The following DGKB variants were observed in gnomAD, a reference collection of about 807,000 sequenced individuals.
DGKB encodes the protein diacylglycerol kinase beta, also known as 90 kDa diacylglycerol kinase.
In DGKB, 67 loss-of-function variants were observed where a neutral mutation model predicts 114.3. The observed-to-expected ratio is 0.59, with a 90% CI of 0.48 to 0.72. The LOEUF is 0.72. Among genes scored for constraint, DGKB ranks in the 30% least tolerant of loss-of-function variants. The pLI, the probability that DGKB is intolerant of heterozygous loss-of-function variation, is 0.00. For synonymous variants in DGKB, 398 were observed against 323.1 expected (o/e 1.23, Z -2.49); for missense variants, 907 against 975.2 (o/e 0.93, Z 0.93).
intron 1 of DGKB, among the ~76,000 whole-genome samples, chr7:14,878,305 C>G (rs1257514358): frequency 6.6e-6 from 1 of 152,170 alleles, no homozygotes; most frequent in African/African-American, 2.4e-5. Flanking sequence ...TTATCTTTCT[C>G]TTTTGCAATT....
chr7:14,744,238 C>G (rs1832949865), intron 4 of DGKB, among the ~76,000 whole-genome samples: 1 of 152,172 alleles, frequency 6.6e-6, no homozygotes, highest in Non-Finnish European at 1.5e-5. Context: ...GTATTCTTAA[C>G]TTATGGCAAT....
chr7:14,685,501 G>A, intron 9 of DGKB, 139 bp from the exon 10 acceptor site: 2 of 640,140 alleles, frequency 3.1e-6, no homozygotes, highest in South Asian at 1.9e-5. Flanking sequence ...CAAGATCACC[G>A]CAGAGCCTTT....
At chr7:14,276,310 A>G (rs1798979416) in intron 23 of DGKB, among the ~76,000 whole-genome samples, 1 of 152,302 alleles carries the variant, frequency 6.6e-6, no homozygotes, top group African/African-American at 2.4e-5. Flanking sequence ...GCAAGCCAAC[A>G]TCTTTTAATA....
At chr7:14,928,772 T>C (rs1330275513) in intron 1 of DGKB, among the ~76,000 whole-genome samples, 2 of 151,908 alleles carry the variant, frequency 1.3e-5, no homozygotes, top group African/African-American at 2.4e-5. Context: ...ATATACATCA[T>C]CAGAATAATG....
At chr7:14,468,180 A>T (rs1002731248) in intron 21 of DGKB, among the ~76,000 whole-genome samples, 1 of 152,208 alleles carries the variant, frequency 6.6e-6, no homozygotes, top group African/African-American at 2.4e-5. Flanking sequence ...ACTCTAGTCA[A>T]TTCCAAATAC....
At chr7:14,331,037 T>C (rs1294347178) in intron 23 of DGKB, among the ~76,000 whole-genome samples, 2 of 152,054 alleles carry the variant, frequency 1.3e-5, no homozygotes, top group East Asian at 3.8e-4. Flanking sequence ...CCCAGGTATA[T>C]GATGTAATCT....
Position 14,148,346 on chromosome 7 carries a change from C to T in DGKB, c.*785G>A, listed in dbSNP as rs577443241. The T allele has an allele frequency of 1.3e-5, 2 of 152,560 alleles. No individual in the cohort carries two copies. Among genetic ancestry groups the T allele is most frequent in the African/African-American group, 4.8e-5 (2 of 41,436 alleles). 9.5% of individuals were successfully genotyped at this position (152,560 alleles called of 1,614,324 possible). ...TGGTGGGAAACACATTGATTAGGCA[C>T]ATAGTTTAAAACTTCTATTTCGTTA... is the stretch of plus-strand genomic sequence containing the variant. On this transcript the variant is annotated 3_prime_UTR_variant, in exon 26 of 26. Transcript: ENST00000402815.
chr7:14,334,082 T>C (rs564730853), intron 23 of DGKB, among the ~76,000 whole-genome samples: 8 of 152,200 alleles, frequency 5.3e-5, no homozygotes, highest in Admixed American at 2.6e-4. Context: ...ATACATCTTA[T>C]GGTGGTCTGC....
intron 9 of DGKB, among the ~76,000 whole-genome samples, chr7:14,691,180 A>T (rs532821659): frequency 6.6e-6 from 1 of 152,308 alleles, no homozygotes; most frequent in South Asian, 2.1e-4. Context: ...TGTGCCTTAC[A>T]TTAGAAGTGA....
At chr7:14,203,898 G>C (rs1239610678) in intron 23 of DGKB, among the ~76,000 whole-genome samples, 1 of 151,974 alleles carries the variant, frequency 6.6e-6, no homozygotes, top group Admixed American at 6.6e-5. Flanking sequence ...TTGACAGTCT[G>C]TAATATTTAG....
chr7:14,377,781 C>G (rs374718977), intron 21 of DGKB, among the ~76,000 whole-genome samples: 1 of 152,156 alleles, frequency 6.6e-6, no homozygotes, highest in South Asian at 2.1e-4. Context: ...TCCCTGGGAT[C>G]TTCCTGGGAT....
At chr7:14,696,509 A>C (rs1823942412) in intron 8 of DGKB, among the ~76,000 whole-genome samples, 1 of 125,946 alleles carries the variant, frequency 7.9e-6, no homozygotes, top group African/African-American at 4.4e-5. Context: ...CTCAAAAAAA[A>C]AAAAAAAAAA....
At chr7:14,280,186 C>T (rs574547029) in intron 23 of DGKB, among the ~76,000 whole-genome samples, 3 of 151,962 alleles carry the variant, frequency 2.0e-5, no homozygotes, top group Non-Finnish European at 4.4e-5. Context: ...GAGCTGAAAA[C>T]CAAGGCTCGA....
chr7:14,565,820 T>G, intron 20 of DGKB, among the ~76,000 whole-genome samples: 1 of 152,244 alleles, frequency 6.6e-6, no homozygotes, highest in Non-Finnish European at 1.5e-5. Context: ...TCTTGAAAAC[T>G]TCCATGTCAT....
At chr7:14,257,779 T>C (rs981590521) in intron 23 of DGKB, among the ~76,000 whole-genome samples, 4 of 152,114 alleles carry the variant, frequency 2.6e-5, no homozygotes, top group Admixed American at 2.0e-4. Context: ...CAGGCTGGAG[T>C]GCAATGGCAC....
intron 21 of DGKB, among the ~76,000 whole-genome samples, chr7:14,365,824 A>C (rs1583433479): frequency 6.6e-6 from 1 of 152,248 alleles, no homozygotes; most frequent in East Asian, 1.9e-4. Context: ...TGCTAGAGCC[A>C]ATTAGTCTGT....
intron 23 of DGKB, among the ~76,000 whole-genome samples, chr7:14,185,664 A>G (rs1783306829): frequency 6.6e-6 from 1 of 152,236 alleles, no homozygotes; most frequent in Non-Finnish European, 1.5e-5. Context: ...TGGTACAAAA[A>G]CAGGCACATA....
At chr7:14,933,302 G>A (rs978706787) in intron 1 of DGKB, among the ~76,000 whole-genome samples, 1 of 151,982 alleles carries the variant, frequency 6.6e-6, no homozygotes. Context: ...ATTTCGTATC[G>A]CTGGTGGACA....
rs560267695 is a variant in DGKB, at chr7:14,380,204, T to C, written c.1836-34813A>G. Among the ~76,000 whole-genome samples, 199 of 151,992 alleles carry C rather than the reference T, an allele frequency of 1.3e-3. 1 individual carries two copies. The highest frequency in any genetic ancestry group is 4.7e-3 in the African/African-American group (194 of 41,504). ...AAAAGATTTATAAACACTGTATACA[T>C]TTAGAAACCCCTTTTCAATCTAAAA... is the stretch of plus-strand genomic sequence containing the variant. On this transcript the variant is annotated intron_variant, in intron 21 of 25. Coordinates refer to ENST00000402815, the MANE Select transcript of DGKB (RefSeq NM_001350709.2).
Sources: gnomAD v4.1 joint callset for allele counts (sites outside exome capture counted in the v4.1 genomes callset) on GRCh38, gnomAD v4.1.1 for gene constraint, MANE v1.5 for transcripts, NCBI Gene and HGNC (gene_info 2026-07-23, HGNC 2026-07-21) for gene names.